Variants in PCSK5 observed in about 807,000 individuals in gnomAD.
PCSK5 encodes proprotein convertase subtilisin/kexin type 5, also known as prohormone convertase 5.
PCSK5 carries 129 observed loss-of-function variants against 233.2 expected under a neutral mutation model. The ratio of observed to expected loss-of-function variants is 0.55; its 90% CI spans 0.48 to 0.64. The LOEUF (loss-of-function observed/expected upper bound fraction) is 0.64, where lower values mean the gene tolerates loss of function less well. Ranked by LOEUF, PCSK5 falls within the 30% of genes least tolerant of loss-of-function variation. The pLI is 0.00. For missense variants in PCSK5, 2,076 were observed against 2,430.1 expected, an observed-to-expected ratio of 0.85 and a Z score of 3.06; for synonymous variants, 825 against 879.2, an observed-to-expected ratio of 0.94 and a Z score of 1.09.
chr9:76,050,142 A>C (rs775337116), intron 5 of PCSK5, among the ~76,000 whole-genome samples: 42 of 152,164 alleles, frequency 2.8e-4, no homozygotes, highest in Non-Finnish European at 3.2e-4. Flanking sequence ...CTTCAGAAAA[A>C]TTAATTATGA....
At chr9:76,122,249 TTTTC>T (rs150223659) in intron 9 of PCSK5, among the ~76,000 whole-genome samples, 6,227 of 152,164 alleles carry the variant, frequency 0.041, 178 homozygotes, top group Non-Finnish European at 0.063. Flanking sequence ...TTTTTTCTGT[TTTTC>T]TTTCTTTCTT....
At chr9:76,001,615 G>C (rs1316849595) in intron 3 of PCSK5, among the ~76,000 whole-genome samples, 1 of 151,938 alleles carries the variant, frequency 6.6e-6, no homozygotes, top group Non-Finnish European at 1.5e-5. Context: ...ATCTGTTTCA[G>C]CAACCTGATG....
chr9:76,206,544 G>A (rs1308919255), intron 20 of PCSK5, among the ~76,000 whole-genome samples: 1 of 152,192 alleles, frequency 6.6e-6, no homozygotes, highest in African/African-American at 2.4e-5. Context: ...AGTGGGCAGG[G>A]CACAGCTAAT....
At chr9:76,355,948 C>T (rs1830290855) in intron 37 of PCSK5, among the ~76,000 whole-genome samples, 2 of 152,186 alleles carry the variant, frequency 1.3e-5, no homozygotes, top group Admixed American at 1.3e-4. Context: ...AGGTGATCTG[C>T]CCACCTCAAC....
intron 24 of PCSK5, among the ~76,000 whole-genome samples, chr9:76,250,930 A>G (rs1826780659): frequency 6.6e-6 from 1 of 152,232 alleles, no homozygotes; most frequent in African/African-American, 2.4e-5. Context: ...TACACATAAA[A>G]AGGGCAAATG....
intron 10 of PCSK5, among the ~76,000 whole-genome samples, chr9:76,150,691 G>A (rs553627301): frequency 3.9e-4 from 59 of 152,222 alleles, no homozygotes; most frequent in African/African-American, 1.1e-3. Flanking sequence ...CAGCTGCTAC[G>A]TTTTACTACC....
chr9:76,194,093 G>T (rs997440278), intron 20 of PCSK5: 1 of 152,406 alleles, frequency 6.6e-6, no homozygotes, highest in African/African-American at 2.4e-5. Context: ...AAATGGGATT[G>T]CTCTGTATAG....
chr9:76,211,233 T>C (rs543178126), intron 20 of PCSK5, among the ~76,000 whole-genome samples: 3 of 152,362 alleles, frequency 2.0e-5, no homozygotes, highest in African/African-American at 7.2e-5. Flanking sequence ...GATGAGTTAA[T>C]TGAATGTTAC....
chr9:75,891,529 A>ACG (rs1274239521), intron 1 of PCSK5, among the ~76,000 whole-genome samples, 156 bp downstream of exon 1: 2 of 27,918 alleles, frequency 7.2e-5, no homozygotes. Context: ...GCGCGCGCGT[A>ACG]CGCACACACA....
At chr9:75,937,820 C>G (rs1408495790) in intron 2 of PCSK5, among the ~76,000 whole-genome samples, 2 of 152,232 alleles carry the variant, frequency 1.3e-5, no homozygotes, top group Non-Finnish European at 2.9e-5. Context: ...CAGCTTCTTT[C>G]CTTAAACCTC....
intron 2 of PCSK5, among the ~76,000 whole-genome samples, chr9:75,935,386 A>T (rs950101591): frequency 3.9e-5 from 6 of 152,198 alleles, no homozygotes; most frequent in Non-Finnish European, 7.3e-5. Flanking sequence ...ATGTATACGT[A>T]TGTAAGGTAT....
intron 20 of PCSK5, among the ~76,000 whole-genome samples, chr9:76,213,307 A>G (rs1825399950): frequency 6.6e-6 from 1 of 152,378 alleles, no homozygotes; most frequent in Non-Finnish European, 1.5e-5. Context: ...CAAAAATGGA[A>G]GAGGAGGTAG....
At chr9:76,075,567 G>A (rs1281873912) in intron 7 of PCSK5, among the ~76,000 whole-genome samples, 1 of 152,020 alleles carries the variant, frequency 6.6e-6, no homozygotes, top group Non-Finnish European at 1.5e-5. Flanking sequence ...TTCTTTGATA[G>A]TATTATCATT....
At chr9:76,112,120 A>C (rs1587643048) in intron 9 of PCSK5, among the ~76,000 whole-genome samples, 1 of 152,264 alleles carries the variant, frequency 6.6e-6, no homozygotes, top group Middle Eastern at 3.4e-3. Context: ...CATCAAAGAA[A>C]CCTTTCTGCT....
At chr9:76,218,662 TGAGA>T (rs3077118) in intron 20 of PCSK5, among the ~76,000 whole-genome samples, 5 of 150,912 alleles carry the variant, frequency 3.3e-5, no homozygotes, top group African/African-American at 9.7e-5. Context: ...CCACATCCTA[TGAGA>T]GAGAGAGAGA....
chr9:76,082,849 G>T (rs987241252), intron 7 of PCSK5, among the ~76,000 whole-genome samples: 1 of 151,960 alleles, frequency 6.6e-6, no homozygotes, highest in Non-Finnish European at 1.5e-5. Context: ...ACTTGAAATG[G>T]TATCTTTTTC....
chr9:75,935,090 C>T (rs1823990820), intron 2 of PCSK5, among the ~76,000 whole-genome samples: 1 of 151,808 alleles, frequency 6.6e-6, no homozygotes, highest in South Asian at 2.1e-4. Flanking sequence ...ATTTTTGAGA[C>T]AGAGTTTCGC....
At chr9:75,923,570 A>G (rs1295358911) in intron 1 of PCSK5, among the ~76,000 whole-genome samples, 1 of 152,182 alleles carries the variant, frequency 6.6e-6, no homozygotes, top group Admixed American at 6.5e-5. Context: ...ATAAAAAGGA[A>G]CCAAATTCAA....
intron 3 of PCSK5, among the ~76,000 whole-genome samples, chr9:76,010,427 T>C (rs1348422506): frequency 6.6e-6 from 1 of 152,222 alleles, no homozygotes; most frequent in Non-Finnish European, 1.5e-5. Context: ...GTTTTTTGTT[T>C]GTCTTAGTTA....
Sources: allele counts gnomAD v4.1 joint callset (sites outside exome capture counted in the v4.1 genomes callset), GRCh38; gene constraint gnomAD v4.1.1; transcripts MANE v1.5; gene names NCBI Gene and HGNC (gene_info 2026-07-23, HGNC 2026-07-21).